Variants in INTS9 observed in about 807,000 individuals in gnomAD.
INTS9 encodes protein related to CPSF subunits of 74 kDa.
INTS9 carries 55 observed loss-of-function variants against 79.7 expected under a neutral mutation model. The ratio of observed to expected loss-of-function variants is 0.69; its 90% CI spans 0.56 to 0.86. INTS9 has a LOEUF of 0.86. Ranked by LOEUF, INTS9 falls within the 40% of genes least tolerant of loss-of-function variation. INTS9 has a pLI of 0.00. For synonymous variants in INTS9, 319 were observed against 325.2 expected, an observed-to-expected ratio of 0.98 and a Z score of 0.20; for missense variants, 721 against 831.5, an observed-to-expected ratio of 0.87 and a Z score of 1.64.
chr8:28,788,780 G>A (rs1410293753), intron 10 of INTS9, among the ~76,000 whole-genome samples: 3 of 152,200 alleles, frequency 2.0e-5, no homozygotes, highest in Non-Finnish European at 4.4e-5. Flanking sequence ...AGGATCACAG[G>A]CTAGAGACAA....
In INTS9 at chr8:28,837,630, C is replaced by T; in HGVS notation, c.401+7G>A. 3.7e-6 allele frequency: 6 copies of T among 1,611,892 alleles called. No individual in the cohort carries two copies. Among genetic ancestry groups the T allele is most frequent in the Non-Finnish European group, 5.1e-6 (6 of 1,179,546 alleles). ...CATCCTAGCAGGGTCAGAATCAACC[C>T]TCTCACCTGCCGATCTGGACGGTGG... On this transcript the variant is annotated splice_region_variant and intron_variant, in intron 5 of 16. Transcript: ENST00000521022.
At chr8:28,793,134 C>G (rs1018753948) in intron 10 of INTS9, among the ~76,000 whole-genome samples, 1 of 152,108 alleles carries the variant, frequency 6.6e-6, no homozygotes, top group African/African-American at 2.4e-5. Context: ...TATCGGCTAC[C>G]TCATGACTAA....
At chr8:28,800,394 C>A (rs1287090503) in intron 8 of INTS9, among the ~76,000 whole-genome samples, 1 of 151,902 alleles carries the variant, frequency 6.6e-6, no homozygotes, top group Non-Finnish European at 1.5e-5. Context: ...GTACTTTGGG[C>A]CGGAGAAAGG....
chr8:28,811,091 T>G (rs1275806817), intron 8 of INTS9, among the ~76,000 whole-genome samples: 3 of 151,872 alleles, frequency 2.0e-5, no homozygotes, highest in Non-Finnish European at 4.4e-5. Context: ...CGGCTTTACG[T>G]GGCTAATTTC....
chr8:28,879,911 G>T (rs1159036159), intron 1 of INTS9, among the ~76,000 whole-genome samples: 1 of 151,976 alleles, frequency 6.6e-6, no homozygotes, highest in South Asian at 2.1e-4. Flanking sequence ...AGGTAGTAAC[G>T]GAGATCTTTT....
intron 1 of INTS9, among the ~76,000 whole-genome samples, chr8:28,879,167 A>T (rs573448594): frequency 2.6e-5 from 4 of 152,230 alleles, no homozygotes; most frequent in Non-Finnish European, 2.9e-5. Context: ...ATATATACAC[A>T]AACATCCTCA....
At chr8:28,782,195 T>G (rs1327470914) in intron 11 of INTS9, among the ~76,000 whole-genome samples, 1 of 152,226 alleles carries the variant, frequency 6.6e-6, no homozygotes, top group Admixed American at 6.5e-5. Context: ...TGGAAACATA[T>G]TCAGATTGTT....
intron 10 of INTS9, among the ~76,000 whole-genome samples, chr8:28,791,314 C>A (rs1388046103): frequency 6.6e-6 from 1 of 152,060 alleles, no homozygotes; most frequent in African/African-American, 2.4e-5. Context: ...CCCCCATGGA[C>A]AGGATCCCTC....
chr8:28,883,842 G>T (rs1810025361), intron 1 of INTS9, among the ~76,000 whole-genome samples: 1 of 152,132 alleles, frequency 6.6e-6, no homozygotes. Flanking sequence ...CCTGAGGGTT[G>T]GTTTATGCCT....
intron 7 of INTS9, among the ~76,000 whole-genome samples, chr8:28,812,957 C>T (rs1434195262): frequency 6.6e-6 from 1 of 152,190 alleles, no homozygotes; most frequent in Admixed American, 6.5e-5. Context: ...TACTTGTCAC[C>T]TGAGAGCTTC....
In INTS9 at chr8:28,780,916, C is replaced by T. The variant is rs747700535; in HGVS notation, c.1177G>A (p.Val393Met). ...CGGAGGGAAGGGTGCCCGGTGAACA[C>T]CACACAGGGCTGTCTAAAGTCGTTG... ...FSNDFRQPCVVFTGHPSLRFG... is the reference protein window; with the variant it reads ...FSNDFRQPCVMFTGHPSLRFG... The change falls in exon 12 of 17, where the codon GTG becomes ATG. Residue 393 changes from valine to methionine, a missense_variant. Around this residue, in one of 3 missense-constraint regions of INTS9, gnomAD observed 149 missense variants for 223.7 expected, o/e 0.67. Transcript: ENST00000521022. 1.9e-6 allele frequency: 3 copies of T among 1,613,864 alleles called. No homozygotes were observed. The highest frequency in any genetic ancestry group is 1.3e-5 in the African/African-American group (1 of 74,908).
At position 28,775,826 on chromosome 8, in the gene INTS9, T is replaced by G; in HGVS notation, c.1496A>C (p.Tyr499Ser). The part of the protein sequence containing the change: ...MIDCQPPAMS[Y>S]RRAEVLALPF... ...CAGGGCGAGAACCTCAGCCCGCCGATAGGACATGGCGGGGGGCTGGCAGTC... is the reference window on the plus strand; with the variant it reads ...CAGGGCGAGAACCTCAGCCCGCCGAGAGGACATGGCGGGGGGCTGGCAGTC... The change falls in exon 14 of 17, where the codon TAT becomes TCT. Residue 499 changes from tyrosine to serine, a missense_variant. Transcript: ENST00000521022. 6.2e-7 allele frequency: 1 copy of G among 1,614,016 alleles called. No homozygotes were observed. Among genetic ancestry groups the G allele is most frequent in the South Asian group, 1.1e-5 (1 of 91,070 alleles).
chr8:28,805,546 G>A (rs1804760797), intron 8 of INTS9, among the ~76,000 whole-genome samples: 1 of 152,118 alleles, frequency 6.6e-6, no homozygotes, highest in African/African-American at 2.4e-5. Flanking sequence ...TGTTGTTGCA[G>A]TAAGGAATAT....
rs1806322113 is a variant in INTS9, at chr8:28,829,036, A to G, written c.488+6256T>C. On this transcript the variant is annotated intron_variant, in intron 6 of 16. Transcript: ENST00000521022. Reference sequence around the variant, plus strand: ...TGAAGCCACATTTTAAGTTGTAAGTATTAAAAAGTGCCATAAAAATTCAGC... The same window carrying G: ...TGAAGCCACATTTTAAGTTGTAAGTGTTAAAAAGTGCCATAAAAATTCAGC... 3.9e-5 allele frequency among the ~76,000 whole-genome samples: 6 copies of G among 152,202 alleles called. No homozygotes were observed. The South Asian group carries it at 1.2e-3, about 31-fold the overall frequency.
At chr8:28,852,006 C>T (rs1247842666) in intron 2 of INTS9, among the ~76,000 whole-genome samples, 1 of 152,040 alleles carries the variant, frequency 6.6e-6, no homozygotes, top group Non-Finnish European at 1.5e-5. Context: ...ATCATTTGAA[C>T]CCAGGAGTTT....
At chr8:28,794,537 T>C (rs34687333) in intron 9 of INTS9, among the ~76,000 whole-genome samples, 30,708 of 152,062 alleles carry the variant, frequency 0.2, 3,521 homozygotes, top group East Asian at 0.47. Flanking sequence ...TAGAGTAGGA[T>C]ACAGTGGAGA....
At chr8:28,816,275 G>C (rs191487095) in intron 6 of INTS9, among the ~76,000 whole-genome samples, 2 of 150,842 alleles carry the variant, frequency 1.3e-5, no homozygotes, top group Admixed American at 1.3e-4. Context: ...TTAGCATTAG[G>C]TATGTCCCCT....
intron 1 of INTS9, among the ~76,000 whole-genome samples, chr8:28,887,646 C>T (rs1272302746): frequency 6.6e-6 from 1 of 152,214 alleles, no homozygotes; most frequent in East Asian, 1.9e-4. Context: ...CTTATTCCAA[C>T]CATTTGGGAG....
In INTS9 at chr8:28,777,540, CT is replaced by C. The variant is rs35374883; in HGVS notation, c.1395+288del. ...CTTAGTGAGTATGTTTCTAGAATGA[CT>C]TTTTTTTTTTTTGGCAGGGGTGAGA... On this transcript the variant is annotated intron_variant, in intron 13 of 16. Coordinates refer to ENST00000521022, the MANE Select transcript of INTS9 (RefSeq NM_018250.4). Among the ~76,000 whole-genome samples, 223 of 146,046 alleles carry C rather than the reference CT, an allele frequency of 1.5e-3. 1 individual carries two copies. Among genetic ancestry groups the C allele is most frequent in the African/African-American group, 1.4e-3 (55 of 39,832 alleles).
Sources: gnomAD v4.1 joint callset for allele counts (sites outside exome capture counted in the v4.1 genomes callset) on GRCh38, gnomAD v4.1.1 for gene constraint, gnomAD v4.1.1 regional missense constraint, MANE v1.5 for transcripts, NCBI Gene and HGNC (gene_info 2026-07-23, HGNC 2026-07-21) for gene names.